Variants in AUTS2 observed in about 807,000 individuals in gnomAD.
AUTS2 encodes the protein activator of transcription and developmental regulator AUTS2.
A neutral mutation model predicts 112.4 loss-of-function variants in AUTS2; 17 were observed. The observed-to-expected ratio is 0.15, with a 90% CI of 0.10 to 0.23. AUTS2 has a LOEUF of 0.23. Ranked by LOEUF, AUTS2 falls within the 10% of genes least tolerant of loss-of-function variation. AUTS2 has a pLI of 1.00. For synonymous variants in AUTS2, 751 were observed against 702.7 expected (o/e 1.07, Z -1.09); for missense variants, 1,510 against 1,701.6 (o/e 0.89, Z 1.98).
intron 2 of AUTS2, among the ~76,000 whole-genome samples, chr7:69,950,601 A>G (rs1796986075): frequency 6.6e-6 from 1 of 152,074 alleles, no homozygotes; most frequent in Non-Finnish European, 1.5e-5. Context: ...TTCTAATTTC[A>G]TTCTTAAACA....
intron 2 of AUTS2, among the ~76,000 whole-genome samples, chr7:70,016,946 G>T (rs1385248131): frequency 4.6e-5 from 7 of 152,228 alleles, no homozygotes; most frequent in Admixed American, 4.6e-4. Flanking sequence ...GGGATTACAG[G>T]CGTGAGCCAC....
rs1038762717 is a variant in AUTS2 at position 69,864,396 on chromosome 7, G to A, written c.310-34890G>A. ...CCTGTTGCAGCCCTGTGCTGGGTGT[G>A]GTTCCCTCTCCTTAATTTGTCATCT... On this transcript the variant is annotated intron_variant, in intron 1 of 18. Transcript: ENST00000342771. Among the ~76,000 whole-genome samples, 2 of 152,076 alleles carry A rather than the reference G, an allele frequency of 1.3e-5. 1 individual carries two copies. The highest frequency in any genetic ancestry group is 2.9e-5 in the Non-Finnish European group (2 of 68,014).
chr7:70,077,964 G>T (rs1562668548), intron 2 of AUTS2, among the ~76,000 whole-genome samples: 1 of 152,166 alleles, frequency 6.6e-6, no homozygotes, highest in Non-Finnish European at 1.5e-5. Flanking sequence ...TTAATATTCA[G>T]ATTGACAGTG....
At chr7:70,469,183 G>T (rs1410465868) in intron 5 of AUTS2, among the ~76,000 whole-genome samples, 1 of 152,140 alleles carries the variant, frequency 6.6e-6, no homozygotes, top group African/African-American at 2.4e-5. Context: ...GCTACTTCTG[G>T]GTTGATTCTC....
At chr7:70,442,831 C>A (rs575038942) in intron 5 of AUTS2, among the ~76,000 whole-genome samples, 74 of 152,252 alleles carry the variant, frequency 4.9e-4, no homozygotes, top group Admixed American at 3.9e-3. Flanking sequence ...TGATGCCCAT[C>A]TACTCAACCT....
intron 5 of AUTS2, among the ~76,000 whole-genome samples, chr7:70,684,385 G>A (rs1056972383): frequency 6.6e-6 from 1 of 152,130 alleles, no homozygotes; most frequent in Non-Finnish European, 1.5e-5. Context: ...CTTATAGACA[G>A]CCTTACCATG....
intron 2 of AUTS2, among the ~76,000 whole-genome samples, chr7:69,978,644 G>T (rs1798155189): frequency 6.6e-6 from 1 of 152,104 alleles, no homozygotes; most frequent in African/African-American, 2.4e-5. Context: ...TTTGACACCA[G>T]CCTAGGCAAC....
chr7:70,128,360 A>G (rs982992133), intron 3 of AUTS2, among the ~76,000 whole-genome samples: 1 of 152,212 alleles, frequency 6.6e-6, no homozygotes, highest in African/African-American at 2.4e-5. Flanking sequence ...AGACAAATCT[A>G]TTAAGAAATA....
intron 5 of AUTS2, among the ~76,000 whole-genome samples, chr7:70,647,905 G>A (rs941581153): frequency 6.6e-6 from 1 of 152,122 alleles, no homozygotes; most frequent in African/African-American, 2.4e-5. Flanking sequence ...CCATTGTACT[G>A]ATTAGTTTCA....
chr7:69,880,041 G>T (rs776162942), intron 1 of AUTS2, among the ~76,000 whole-genome samples: 6 of 152,188 alleles, frequency 3.9e-5, no homozygotes, highest in Non-Finnish European at 8.8e-5. Context: ...AAGAAAAGAG[G>T]TTTAATTGTC....
intron 4 of AUTS2, among the ~76,000 whole-genome samples, chr7:70,227,150 CTTATA>C (rs931450202): frequency 6.6e-6 from 1 of 151,982 alleles, no homozygotes; most frequent in African/African-American, 2.4e-5. Flanking sequence ...TTAATACAGT[CTTATA>C]TGTGTATAAA....
chr7:69,649,382 A>G (rs988792357), intron 1 of AUTS2, among the ~76,000 whole-genome samples: 4 of 152,182 alleles, frequency 2.6e-5, no homozygotes, highest in South Asian at 4.1e-4. Flanking sequence ...TGCCTGTTAC[A>G]TACAGCTTTG....
intron 1 of AUTS2, among the ~76,000 whole-genome samples, chr7:69,637,912 T>C (rs1794622831): frequency 6.6e-6 from 1 of 152,212 alleles, no homozygotes; most frequent in Non-Finnish European, 1.5e-5. Context: ...GTTGGACAAA[T>C]AGATGCTCAT....
intron 5 of AUTS2, among the ~76,000 whole-genome samples, chr7:70,630,770 C>A (rs1208923827): frequency 6.6e-6 from 1 of 152,240 alleles, no homozygotes; most frequent in Non-Finnish European, 1.5e-5. Context: ...TTTAGAGACC[C>A]ATTTCATACA....
In AUTS2 at chr7:70,060,711, G is replaced by A. The variant is rs1016139561; in HGVS notation, c.523-57421G>A. ...TAAGAAGTAGCATTGCAAAACTTCC[G>A]GCATGGAAGGTGTCTTTGACTCTAT... On this transcript the variant is annotated intron_variant, in intron 2 of 18. Coordinates refer to ENST00000342771, the MANE Select transcript of AUTS2 (RefSeq NM_015570.4). Among the ~76,000 whole-genome samples the A allele has an allele frequency of 5.3e-5, 8 of 152,152 alleles. No individual in the cohort carries two copies. The East Asian group carries it at 7.7e-4, about 15-fold the overall frequency.
At chr7:69,745,376 T>C (rs921958941) in intron 1 of AUTS2, among the ~76,000 whole-genome samples, 1 of 152,206 alleles carries the variant, frequency 6.6e-6, no homozygotes, top group Non-Finnish European at 1.5e-5. Flanking sequence ...GCCAGTATGT[T>C]CCATTGCCCT....
At chr7:70,650,806 T>C (rs888072821) in intron 5 of AUTS2, among the ~76,000 whole-genome samples, 5 of 152,228 alleles carry the variant, frequency 3.3e-5, no homozygotes, top group African/African-American at 1.2e-4. Flanking sequence ...CACCCTTGTC[T>C]CAAGAAGTTT....
intron 5 of AUTS2, among the ~76,000 whole-genome samples, chr7:70,457,749 A>G (rs1217437729): frequency 1.3e-5 from 2 of 152,198 alleles, no homozygotes; most frequent in Non-Finnish European, 2.9e-5. Context: ...TGCCTGGTTT[A>G]AAAGACTCAG....
chr7:70,388,753 T>G (rs1793723285), intron 4 of AUTS2, among the ~76,000 whole-genome samples: 1 of 152,228 alleles, frequency 6.6e-6, no homozygotes, highest in Non-Finnish European at 1.5e-5. Context: ...TTTTAATGAC[T>G]TAATTAACTA....
Sources: allele counts gnomAD v4.1 joint callset (sites outside exome capture counted in the v4.1 genomes callset), GRCh38; gene constraint gnomAD v4.1.1; transcripts MANE v1.5; gene names NCBI Gene and HGNC (gene_info 2026-07-23, HGNC 2026-07-21).